Variants in VPS37B observed in about 807,000 individuals in gnomAD.
The protein encoded by VPS37B is VPS37B subunit of ESCRT-I, also known as vacuolar protein sorting-associated protein 37B.
Under a neutral mutation model 21.2 loss-of-function variants are expected in VPS37B, and 11 were observed. The observed-to-expected ratio is 0.52, with a 90% CI of 0.33 to 0.86. The LOEUF (loss-of-function observed/expected upper bound fraction) is 0.86. Among genes scored for constraint, VPS37B ranks in the 40% least tolerant of loss-of-function variants. The pLI, the probability that VPS37B is intolerant of heterozygous loss-of-function variation, is 0.03. For missense variants in VPS37B, 389 were observed against 374.8 expected (o/e 1.04, Z -0.31); for synonymous variants, 175 against 159.6 (o/e 1.10, Z -0.73).
Position 122,868,514 on chromosome 12 carries a change from T to C in VPS37B, c.332A>G (p.Gln111Arg), listed in dbSNP as rs1233846305. The change falls in exon 3 of 4, where the codon CAG becomes CGG. Residue 111 changes from glutamine (Q) to arginine (R), a missense_variant. Gln to Arg is a conservative substitution (Grantham distance 43, BLOSUM62 1). Transcript: ENST00000267202. The surrounding 1 kb of genome is among the most constrained non-coding windows in gnomAD (Gnocchi z 5.5). ...ASLETLLALLQAEGAKIEEDT... is the reference protein window; with the variant it reads ...ASLETLLALLRAEGAKIEEDT... ...TTCCTCAATCTTGGCCCCTTCTGCC[T>C]GAAGAAGTGCTAACAGGGTCTCCAA... The C allele has an allele frequency of 1.2e-6, 2 of 1,613,814 alleles. No individual in the cohort carries two copies. Among genetic ancestry groups the C allele is most frequent in the Non-Finnish European group, 1.7e-6 (2 of 1,179,914 alleles).
At chr12:122,883,262 GAC>G (rs1286845856) in intron 1 of VPS37B, 2 of 152,194 alleles carry the variant, frequency 1.3e-5, no homozygotes, top group Non-Finnish European at 2.9e-5. Context: ...AAAAGGAACA[GAC>G]AGTGAGATCT....
At chr12:122,885,498 AACAAAAACTCT>A (rs1403657745) in intron 1 of VPS37B, 2 of 152,028 alleles carry the variant, frequency 1.3e-5, no homozygotes, top group Non-Finnish European at 2.9e-5. Flanking sequence ...GTTAAAATCA[AACAAAAACTCT>A]ACAAAAACTC....
At chr12:122,871,193 C>T in intron 1 of VPS37B, 132 bp from the exon 2 acceptor site, 1 of 1,432,352 alleles carries the variant, frequency 7.0e-7, no homozygotes, top group Non-Finnish European at 9.2e-7. Context: ...GCACCGCATG[C>T]CAGGCAGATG....
At chr12:122,875,223 A>ATTTTTT (rs34993068) in intron 1 of VPS37B, 7 of 96,022 alleles carry the variant, frequency 7.3e-5, no homozygotes, top group African/African-American at 1.2e-4. Context: ...CACCTGGCTA[A>ATTTTTT]TTTTTTTTTT....
Position 122,870,917 on chromosome 12 carries a change from C to A in VPS37B, c.256G>T (p.Ala86Ser). Residue 86 changes from alanine to serine, a missense_variant, in exon 2 of 4, where the codon GCC (alanine) becomes TCC (serine). Ala to Ser is a moderately conservative substitution (Grantham distance 99, BLOSUM62 1). Coordinates refer to ENST00000267202, the MANE Select transcript of VPS37B (RefSeq NM_024667.3). ...AATTTGGTCTTCTTTATCTGATAGG[C>A]TTCAAAGAGAACCTGGAGTTCCTGG... ...KYQELQVLFE[A>S]YQIKKTKLDR... The A allele has an allele frequency of 1.2e-6, 2 of 1,614,064 alleles. No individual in the cohort carries two copies. Among genetic ancestry groups the A allele is most frequent in the Non-Finnish European group, 1.7e-6 (2 of 1,179,998 alleles).
intron 2 of VPS37B, among the ~76,000 whole-genome samples, chr12:122,869,144 T>C (rs573484639): frequency 1.6e-4 from 24 of 152,364 alleles, no homozygotes; most frequent in African/African-American, 5.8e-4. Context: ...CAATGCTGTG[T>C]AGTGTTCCAT....
At chr12:122,881,965 T>G (rs1015178162) in intron 1 of VPS37B, 2 of 152,184 alleles carry the variant, frequency 1.3e-5, no homozygotes, top group African/African-American at 4.8e-5. Flanking sequence ...AAAGCAAACT[T>G]CGAGCATCAT....
Position 122,867,690 on chromosome 12 carries a change from C to T in VPS37B, c.367-83G>A, listed in dbSNP as rs1480253295. On this transcript the variant is annotated intron_variant, in intron 3 of 3. Coordinates refer to ENST00000267202, the MANE Select transcript of VPS37B (RefSeq NM_024667.3). This position sits in a 1 kb window ranked among gnomAD's most constrained non-coding sequence, Gnocchi z 5.5. ...GTGGTCTAGGCACAAGGAGAGGCAA[C>T]GCCCAGCTGCTTCCAACACTGCCCC... is the stretch of plus-strand genomic sequence containing the variant. 2.6e-5 allele frequency: 41 copies of T among 1,576,106 alleles called. No homozygotes were observed. The highest frequency in any genetic ancestry group is 6.9e-5 in the Admixed American group (4 of 58,184).
chr12:122,872,001 GT>G, intron 1 of VPS37B: 1 of 985,304 alleles, frequency 1.0e-6, no homozygotes, highest in Non-Finnish European at 1.2e-6. Flanking sequence ...GTGTGTCCCT[GT>G]TTCTCTTTAA....
chr12:122,895,875 C>T, intron 1 of VPS37B, 77 bp downstream of exon 1: 1 of 1,399,256 alleles, frequency 7.1e-7, no homozygotes, highest in Admixed American at 1.7e-5. Flanking sequence ...GCGGTCGCCT[C>T]CGCCTCCGGC....
intron 1 of VPS37B, chr12:122,888,784 G>GCT (rs1294263373): frequency 2.2e-5 from 7 of 321,818 alleles, no homozygotes; most frequent in Non-Finnish European, 4.4e-5. Context: ...AGCTCCTAGT[G>GCT]GCCTTTCAAA....
In VPS37B at chr12:122,867,549, T is replaced by C. The variant is rs926221762; in HGVS notation, c.425A>G (p.Tyr142Cys). 3.7e-6 allele frequency: 6 copies of C among 1,613,918 alleles called. No individual in the cohort carries two copies. The highest frequency in any genetic ancestry group is 2.7e-5 in the African/African-American group (2 of 74,886). The change falls in exon 4 of 4, where the codon TAT (tyrosine) becomes TGT (cysteine). Residue 142 changes from tyrosine (Y) to cysteine (C), a missense_variant. By Grantham distance (194) the Tyr-to-Cys change is radical. Coordinates refer to ENST00000267202, the MANE Select transcript of VPS37B (RefSeq NM_024667.3). The surrounding 1 kb of genome is among the most constrained non-coding windows in gnomAD (Gnocchi z 5.5). ...ELPLDSFIDV[Y>C]QSKRKLAHMR... Reference sequence around the variant, plus strand: ...GTGGGCCAGTTTCCGTTTGCTCTGATAGACATCAATGAAGGAATCCAGAGG... The same window carrying C: ...GTGGGCCAGTTTCCGTTTGCTCTGACAGACATCAATGAAGGAATCCAGAGG...
chr12:122,895,271 C>T (rs1455610605), intron 1 of VPS37B, among the ~76,000 whole-genome samples: 1 of 151,978 alleles, frequency 6.6e-6, no homozygotes, highest in Non-Finnish European at 1.5e-5. Flanking sequence ...CCTCCCGAAC[C>T]CATCTTGGAA....
At chr12:122,888,376 A>G (rs2034357827) in intron 1 of VPS37B, 1 of 354,070 alleles carries the variant, frequency 2.8e-6, no homozygotes, top group South Asian at 2.1e-5. Context: ...GTAAGACATC[A>G]TTTCCAATGA....
At position 122,868,205 on chromosome 12, in the gene VPS37B, C is replaced by T. The variant is rs1220763488; in HGVS notation, c.366+275G>A. ...CCTTGAACGACGGCACGTGGTAATC[C>T]GCCACTGGCCCCAGGGGCCGGCGTT... On this transcript the variant is annotated intron_variant, in intron 3 of 3. Coordinates refer to ENST00000267202, the MANE Select transcript of VPS37B (RefSeq NM_024667.3). The surrounding 1 kb of genome is among the most constrained non-coding windows in gnomAD (Gnocchi z 5.5). Among the ~76,000 whole-genome samples the T allele has an allele frequency of 2.0e-5, 3 of 152,218 alleles. No homozygotes were observed. Among genetic ancestry groups the T allele is most frequent in the East Asian group, 1.9e-4 (1 of 5,198 alleles).
In VPS37B at chr12:122,867,387, G is replaced by T; in HGVS notation, c.587C>A (p.Ala196Asp). ...TAPLPYPAPE[A>D]SGPPAVAPRR... ...AGGTGCAACGGCAGGAGGCCCACTGGCCTCTGGGGCAGGGTAGGGAAGGGG... is the reference window on the plus strand; with the variant it reads ...AGGTGCAACGGCAGGAGGCCCACTGTCCTCTGGGGCAGGGTAGGGAAGGGG... The change falls in exon 4 of 4, where the codon GCC becomes GAC. Residue 196 changes from alanine to aspartate, a missense_variant. Transcript: ENST00000267202. The surrounding 1 kb of genome is among the most constrained non-coding windows in gnomAD (Gnocchi z 5.5). 6.7e-7 allele frequency: 1 copy of T among 1,496,648 alleles called. No individual in the cohort carries two copies. The allele number at this position is 1,496,648 out of a possible 1,614,324, so 92.7% of individuals were successfully genotyped here.
At chr12:122,894,240 A>T (rs140300701) in intron 1 of VPS37B, among the ~76,000 whole-genome samples, 152 of 152,306 alleles carry the variant, frequency 1.0e-3, no homozygotes, top group African/African-American at 3.5e-3. Flanking sequence ...AGAAGGATGG[A>T]TTTTATCACT....
rs1017842391 is a variant in VPS37B at position 122,866,919 on chromosome 12, C to T, written c.*197G>A. 26 of 551,906 alleles carry T rather than the reference C, an allele frequency of 4.7e-5. No individual in the cohort carries two copies. In the South Asian group the frequency reaches 9.5e-4, roughly 20 times the overall value. The allele number at this position is 551,906 out of a possible 1,614,324, so 34.2% of individuals were successfully genotyped here. A position where few individuals can be genotyped will look rare whatever the true frequency, so the allele number is the denominator to read the frequency against. Reference sequence around the variant, plus strand: ...AACGCACAGGTGTCAGGCTGTAACCCGGCACACACAACTGCCTTGATGCCC... The same window carrying T: ...AACGCACAGGTGTCAGGCTGTAACCTGGCACACACAACTGCCTTGATGCCC... On this transcript the variant is annotated 3_prime_UTR_variant, in exon 4 of 4. Transcript: ENST00000267202.
intron 1 of VPS37B, chr12:122,876,087 C>G (rs1593913499): frequency 6.6e-6 from 1 of 152,280 alleles, no homozygotes; most frequent in South Asian, 2.1e-4. Context: ...AAATGAGATG[C>G]CTGATTACAG....
Sources: gnomAD v4.1 joint callset for allele counts (sites outside exome capture counted in the v4.1 genomes callset) on GRCh38, gnomAD v4.1.1 for gene constraint, Gnocchi (gnomAD v3.1) non-coding constraint, MANE v1.5 for transcripts, NCBI Gene and HGNC (gene_info 2026-07-23, HGNC 2026-07-21) for gene names.